FBXL13: variants seen among roughly 807,000 people sequenced by gnomAD.
FBXL13 encodes F-box and leucine rich repeat protein 13.
A neutral mutation model predicts 83.6 loss-of-function variants in FBXL13; 67 were observed. The observed-to-expected ratio is 0.80, with a 90% confidence interval of 0.66 to 0.98. The LOEUF (loss-of-function observed/expected upper bound fraction) is 0.98, where lower values mean the gene tolerates loss of function less well. Among genes scored for constraint, FBXL13 ranks in the 50% least tolerant of loss-of-function variants. The probability of loss-of-function intolerance (pLI) is 0.00; values close to 1 mark genes in which losing one functional copy is unlikely to be tolerated. For missense variants in FBXL13, 822 were observed against 866.5 expected (o/e 0.95, Z 0.64); for synonymous variants, 272 against 299.5 (o/e 0.91, Z 0.95).
intron 8 of FBXL13, 148 bp from the exon 10 acceptor site, chr7:102,932,081 C>A: frequency 1.5e-6 from 1 of 657,468 alleles, no homozygotes; most frequent in African/African-American, 1.8e-5. Flanking sequence ...GTTTCTTTCC[C>A]CAGAAAAATG....
chr7:103,063,577 C>T (rs367648882), intron 1 of FBXL13, among the ~76,000 whole-genome samples: 7 of 152,118 alleles, frequency 4.6e-5, no homozygotes, highest in African/African-American at 1.7e-4. Flanking sequence ...AATGGCTCTT[C>T]CTCCCACTCT....
At chr7:102,903,095 T>G (rs934316110) in intron 11 of FBXL13, among the ~76,000 whole-genome samples, 2 of 152,136 alleles carry the variant, frequency 1.3e-5, no homozygotes, top group South Asian at 4.1e-4. Context: ...CCTCTTTAAT[T>G]TATTCATCAG....
intron 6 of FBXL13, among the ~76,000 whole-genome samples, chr7:103,002,677 G>A (rs900304271): frequency 6.6e-6 from 1 of 152,184 alleles, no homozygotes; most frequent in Admixed American, 6.5e-5. Flanking sequence ...TTTGTTGAAT[G>A]TAGTATTCTC....
chr7:102,816,967 C>T (rs1209243290), intron 19 of FBXL13, among the ~76,000 whole-genome samples: 1 of 152,198 alleles, frequency 6.6e-6, no homozygotes, highest in East Asian at 1.9e-4. Context: ...TGTAGCATCC[C>T]ATGGTCTGAA....
chr7:103,052,931 A>G (rs1796972692), intron 2 of FBXL13, among the ~76,000 whole-genome samples: 1 of 151,252 alleles, frequency 6.6e-6, no homozygotes, highest in African/African-American at 2.4e-5. Flanking sequence ...TAATTTTTGC[A>G]TTTTTGGTAG....
At chr7:103,020,583 C>T (rs1247696257) in intron 6 of FBXL13, among the ~76,000 whole-genome samples, 1 of 152,108 alleles carries the variant, frequency 6.6e-6, no homozygotes, top group Admixed American at 6.5e-5. Context: ...TTTAGAAAAC[C>T]CCATCGTCTC....
At chr7:102,924,826 A>G (rs1584964624) in intron 10 of FBXL13, among the ~76,000 whole-genome samples, 1 of 151,808 alleles carries the variant, frequency 6.6e-6, no homozygotes, top group African/African-American at 2.4e-5. Context: ...ATTTTTTAGT[A>G]GAGACGGGGT....
chr7:102,873,539 A>T (rs1283426317), intron 16 of FBXL13, among the ~76,000 whole-genome samples: 1 of 152,218 alleles, frequency 6.6e-6, no homozygotes, highest in East Asian at 1.9e-4. Flanking sequence ...ACTACTTGAT[A>T]ATTGGTCACT....
intron 19 of FBXL13, among the ~76,000 whole-genome samples, chr7:102,818,125 G>T (rs1190419035): frequency 1.3e-5 from 2 of 152,196 alleles, no homozygotes; most frequent in East Asian, 3.8e-4. Flanking sequence ...GCAAAAAAAG[G>T]GAATGTTGGA....
chr7:102,939,474 C>T (rs755507642), intron 8 of FBXL13: 2 of 1,613,582 alleles, frequency 1.2e-6, no homozygotes, highest in South Asian at 2.2e-5. Context: ...TATTGTTAAA[C>T]TTGACTTGTC....
chr7:102,832,135 C>A (rs1300879628), intron 18 of FBXL13, among the ~76,000 whole-genome samples: 1 of 152,154 alleles, frequency 6.6e-6, no homozygotes, highest in Non-Finnish European at 1.5e-5. Context: ...TGGATATTTA[C>A]TTTCTCCCTT....
intron 2 of FBXL13, among the ~76,000 whole-genome samples, chr7:103,045,472 G>T (rs1002159115): frequency 1.3e-5 from 2 of 152,136 alleles, no homozygotes; most frequent in African/African-American, 4.8e-5. Context: ...TATCACCATT[G>T]TAAAAGTACT....
intron 17 of FBXL13, among the ~76,000 whole-genome samples, chr7:102,849,964 C>A (rs1218966243): frequency 1.3e-5 from 2 of 151,394 alleles, no homozygotes; most frequent in Admixed American, 6.6e-5. Flanking sequence ...ACCTATGAAA[C>A]AAACCTGCAT....
In FBXL13 at chr7:102,884,197, A is replaced by G; in HGVS notation, c.1107+17T>C. 1 of 1,571,266 alleles carries G rather than the reference A, an allele frequency of 6.4e-7. No individual in the cohort carries two copies. Among genetic ancestry groups the G allele is most frequent in the Non-Finnish European group, 8.8e-7 (1 of 1,141,164 alleles). On this transcript the variant is annotated intron_variant, in intron 12 of 19. Transcript: ENST00000313221. ...TCTTATGGGACAGAAAAGTAAAGGTACTTCCCAACTACCTACTTTTACACA... is the reference window on the plus strand; with the variant it reads ...TCTTATGGGACAGAAAAGTAAAGGTGCTTCCCAACTACCTACTTTTACACA...
At chr7:102,970,456 T>C (rs552116441) in intron 6 of FBXL13, among the ~76,000 whole-genome samples, 1 of 152,320 alleles carries the variant, frequency 6.6e-6, no homozygotes, top group Non-Finnish European at 1.5e-5. Flanking sequence ...ATTTGTTACC[T>C]TTGTAAATGG....
In FBXL13 at chr7:102,968,021, C is replaced by T; in HGVS notation, c.591+1G>A. The T allele has an allele frequency of 6.2e-7, 1 of 1,608,252 alleles. No homozygotes were observed. Among genetic ancestry groups the T allele is most frequent in the Non-Finnish European group, 8.5e-7 (1 of 1,174,832 alleles). On this transcript the variant is annotated splice_donor_variant, in intron 7 of 19. Transcript: ENST00000313221. LOFTEE classifies it high-confidence loss of function. The stretch of plus-strand genomic sequence containing the variant: ...ACATAGTTCAGTTAGTATCTACTTA[C>T]AGCATTCCACAGTGAGTTTAGTTGT...
chr7:102,985,822 A>G (rs1488064598), intron 6 of FBXL13, among the ~76,000 whole-genome samples: 3 of 152,202 alleles, frequency 2.0e-5, no homozygotes, highest in Non-Finnish European at 4.4e-5. Context: ...AGATTCAAAC[A>G]AACCCAATCT....
intron 17 of FBXL13, among the ~76,000 whole-genome samples, chr7:102,838,257 A>T (rs1325710056): frequency 6.6e-6 from 1 of 152,188 alleles, no homozygotes; most frequent in Non-Finnish European, 1.5e-5. Flanking sequence ...ACACAGGAGT[A>T]GCTTAATATG....
chr7:102,831,131 T>C (rs1225633547), intron 18 of FBXL13, among the ~76,000 whole-genome samples: 1 of 152,194 alleles, frequency 6.6e-6, no homozygotes, highest in Non-Finnish European at 1.5e-5. Context: ...ATCTCCCACC[T>C]GGAGAAGAAG....
Sources: allele counts gnomAD v4.1 joint callset (sites outside exome capture counted in the v4.1 genomes callset), GRCh38; gene constraint gnomAD v4.1.1; transcripts MANE v1.5; gene names NCBI Gene and HGNC (gene_info 2026-07-23, HGNC 2026-07-21).